Variants in SLC4A1 observed in about 807,000 individuals in gnomAD.
SLC4A1 encodes solute carrier family 4 member 1 (Diego blood group).
Under a neutral mutation model 93.1 loss-of-function variants are expected in SLC4A1, and 29 were observed. That is an observed-to-expected ratio of 0.31 (90% CI 0.23 to 0.42). The LOEUF is 0.42. Ranked by LOEUF, SLC4A1 falls within the 20% of genes least tolerant of loss-of-function variation. SLC4A1 has a pLI of 1.00. For missense variants in SLC4A1, 965 were observed against 1,190.1 expected (o/e 0.81, Z 2.78); for synonymous variants, 469 against 497.2 (o/e 0.94, Z 0.76).
In SLC4A1 at chr17:44,257,560, A is replaced by G; in HGVS notation, c.1432-16T>C. The G allele has an allele frequency of 1.2e-6, 2 of 1,613,790 alleles. No homozygotes were observed. The highest frequency in any genetic ancestry group is 1.1e-5 in the South Asian group (1 of 91,072). ...TCTCGCAGAACTGCAGGGTGGTCAG[A>G]AGAAGCCGGTCAGTCAAAGGGTCTT... On this transcript the variant is annotated splice_polypyrimidine_tract_variant and intron_variant, in intron 12 of 19. Coordinates refer to ENST00000262418, the MANE Select transcript of SLC4A1 (RefSeq NM_000342.4).
chr17:44,259,432 G>A (rs2047421572), intron 8 of SLC4A1, 65 bp downstream of exon 8: 2 of 1,602,494 alleles, frequency 1.2e-6, no homozygotes, highest in East Asian at 2.2e-5. Context: ...CAGGCTGAGG[G>A]AAAGACAGGC....
chr17:44,264,801 G>A (rs941958718), intron 1 of SLC4A1, among the ~76,000 whole-genome samples: 2 of 152,078 alleles, frequency 1.3e-5, no homozygotes, highest in Non-Finnish European at 2.9e-5. Flanking sequence ...CCAGGAATGT[G>A]AGGGCAGGTC....
intron 1 of SLC4A1, among the ~76,000 whole-genome samples, chr17:44,267,530 G>C (rs2047504805): frequency 6.6e-6 from 1 of 152,202 alleles, no homozygotes; most frequent in African/African-American, 2.4e-5. Flanking sequence ...GAATTAGCCT[G>C]AGCTAAGTGT....
Position 44,259,902 on chromosome 17 carries a change from A to G in SLC4A1, c.516T>C (p.Gly172=), listed in dbSNP as rs568293646. 5.6e-6 allele frequency: 9 copies of G among 1,613,060 alleles called. No individual in the cohort carries two copies. Among genetic ancestry groups the G allele is most frequent in the Non-Finnish European group, 7.6e-6 (9 of 1,179,818 alleles). ...AGCGTGTCAGGACTGCAGGCTTCAC[A>G]CCCCCCAGGGCCTCCAGCTCTCCAG... is the stretch of plus-strand genomic sequence containing the variant. ...SHAGELEALG[G]VKPAVLTRSG... is the part of the protein sequence containing the mutation. Residue 172 remains glycine, a synonymous_variant, in exon 7 of 20, where the codon GGT becomes GGC. Transcript: ENST00000262418.
Position 44,261,596 on chromosome 17 carries a change from T to A in SLC4A1, c.147A>T (p.Thr49=). The A allele has an allele frequency of 6.2e-7, 1 of 1,614,096 alleles. No individual in the cohort carries two copies. The highest frequency in any genetic ancestry group is 8.5e-7 in the Non-Finnish European group (1 of 1,179,982). Residue 49 remains threonine, a synonymous_variant, in exon 4 of 20, where the codon ACA becomes ACT. Transcript: ENST00000262418. ...TCACCTTGTGGGTACCCGGGTGTGATGTGGTGTGGTAGTCTGTGGCTGTTG... is the reference window on the plus strand; with the variant it reads ...TCACCTTGTGGGTACCCGGGTGTGAAGTGGTGTGGTAGTCTGTGGCTGTTG... The part of the protein sequence containing the change: ...TEATATDYHT[T]SHPGTHKVYV...
chr17:44,266,684 C>T (rs1479437374), intron 1 of SLC4A1, among the ~76,000 whole-genome samples: 1 of 152,164 alleles, frequency 6.6e-6, no homozygotes, highest in Non-Finnish European at 1.5e-5. Context: ...CCAGCCAGGC[C>T]GCCCCCCAGC....
intron 8 of SLC4A1, 31 bp from the exon 9 acceptor site, chr17:44,259,375 C>T (rs770874230): frequency 1.2e-5 from 19 of 1,612,274 alleles, no homozygotes; most frequent in South Asian, 6.6e-5. Flanking sequence ...CAGGCCAGGC[C>T]GAGGAGCCCA....
In SLC4A1 at chr17:44,250,093, C is replaced by G; in HGVS notation, c.*365G>C. On this transcript the variant is annotated 3_prime_UTR_variant, in exon 20 of 20. Coordinates refer to ENST00000262418, the MANE Select transcript of SLC4A1 (RefSeq NM_000342.4). ...GTCAAGGGACTTGCCCAAGGTCACA[C>G]AGCAAGCACCCCACCCGCTCACCCA... 3.1e-6 allele frequency: 1 copy of G among 321,130 alleles called. No individual in the cohort carries two copies. The highest frequency in any genetic ancestry group is 6.1e-6 in the Non-Finnish European group (1 of 165,120). 19.9% of individuals were successfully genotyped at this position (321,130 alleles called of 1,614,324 possible). A position where few individuals can be genotyped will look rare whatever the true frequency, so the allele number is the denominator to read the frequency against.
chr17:44,260,566 T>C, intron 5 of SLC4A1, 27 bp from the exon 6 acceptor site: 1 of 1,614,064 alleles, frequency 6.2e-7, no homozygotes, highest in Non-Finnish European at 8.5e-7. Context: ...AGTGAGCTGG[T>C]AGGCTGGGCC....
chr17:44,263,707 C>CTCCTTCCTTTCT (rs1555597760), intron 1 of SLC4A1, among the ~76,000 whole-genome samples: 19 of 140,298 alleles, frequency 1.4e-4, no homozygotes, highest in African/African-American at 5.4e-4. Context: ...CCTCCCTTCC[C>CTCCTTCCTTTCT]TCCTTCCTTC....
chr17:44,260,651 A>G lies in SLC4A1; in HGVS notation c.333T>C (p.Arg111=), dbSNP rs530218883. Residue 111 remains arginine, a synonymous_variant, in exon 5 of 20, where the codon CGT becomes CGC. Coordinates refer to ENST00000262418, the MANE Select transcript of SLC4A1 (RefSeq NM_000342.4). ...HLTFWSLLEL[R]RVFTKGTVLL... is the part of the protein sequence containing the mutation. ...GAGGCTCACCCTTGGTGAAGACTCT[A>G]CGCAGCTCTAGGAGGCTCCAGAAGG... 1.9e-6 allele frequency: 3 copies of G among 1,614,158 alleles called. No individual in the cohort carries two copies. The highest frequency in any genetic ancestry group is 2.7e-5 in the African/African-American group (2 of 75,046).
At chr17:44,257,594 G>T (rs562118372) in intron 12 of SLC4A1, 50 bp from the exon 13 acceptor site, 2 of 1,612,876 alleles carry the variant, frequency 1.2e-6, no homozygotes, top group African/African-American at 2.7e-5. Context: ...TTGGGGCAAG[G>T]CACCATGCAT....
At chr17:44,260,860 G>A (rs1464451787) in intron 4 of SLC4A1, 45 bp from the exon 5 acceptor site, 8 of 1,598,656 alleles carry the variant, frequency 5.0e-6, no homozygotes, top group Non-Finnish European at 6.8e-6. Flanking sequence ...CATAGTCCAG[G>A]GCATAGTGGG....
Position 44,258,614 on chromosome 17 carries a change from T to C in SLC4A1, c.886A>G (p.Ile296Val), listed in dbSNP as rs781169594. 3.4e-5 allele frequency: 54 copies of C among 1,598,258 alleles called. No homozygotes were observed. Among genetic ancestry groups the C allele is most frequent in the Non-Finnish European group, 4.3e-5 (51 of 1,173,338 alleles). ...CGGCTCTGAGCCATGTAGGCATCTA[T>C]GCGGAACACCTAGGGGCAGGAGACA... ...ATLMSERVFR[I>V]DAYMAQSRGE... The change falls in exon 10 of 20, where the codon ATA becomes GTA. Residue 296 changes from isoleucine (I) to valine (V), a missense_variant. By Grantham distance (29) the Ile-to-Val change is conservative. Around this residue, in one of 2 missense-constraint regions of SLC4A1, gnomAD observed 770 missense variants for 1,006.6 expected, o/e 0.76. Transcript: ENST00000262418. This position sits in a 1 kb window ranked among gnomAD's most constrained non-coding sequence, Gnocchi z 6.1.
intron 14 of SLC4A1, 103 bp from the exon 15 acceptor site, chr17:44,255,399 A>T: frequency 1.2e-6 from 1 of 854,038 alleles, no homozygotes; most frequent in Non-Finnish European, 1.9e-6. Context: ...CTTCCAGGGG[A>T]TCCATCAGCA....
At chr17:44,250,875 G>T (rs180849672) in intron 19 of SLC4A1, among the ~76,000 whole-genome samples, 90 of 152,230 alleles carry the variant, frequency 5.9e-4, no homozygotes, top group African/African-American at 2.1e-3. Flanking sequence ...AAGACGGCAG[G>T]ACTTGCTGCT....
In SLC4A1 at chr17:44,258,173, A is replaced by G. The variant is rs760164484; in HGVS notation, c.1095T>C (p.Asn365=). The G allele has an allele frequency of 1.9e-6, 3 of 1,613,954 alleles. No individual in the cohort carries two copies. The highest frequency in any genetic ancestry group is 1.1e-5 in the South Asian group (1 of 91,074). Residue 365 remains asparagine, a synonymous_variant, in exon 11 of 20, where the codon AAT becomes AAC. Transcript: ENST00000262418. The surrounding 1 kb of genome is among the most constrained non-coding windows in gnomAD (Gnocchi z 6.1). ...DSSFYKGLDL[N]GGPDDPLQQT... ...GCTGCAGAGGGTCATCTGGGCCCCC[A>G]TTTAAGTCTGTGGTGGAGGATAAGA...
In SLC4A1 at chr17:44,255,195, A is replaced by G; in HGVS notation, c.1890+12T>C. 6.5e-7 allele frequency: 1 copy of G among 1,545,030 alleles called. No individual in the cohort carries two copies. Among genetic ancestry groups the G allele is most frequent in the Non-Finnish European group, 8.8e-7 (1 of 1,140,830 alleles). ...GGGGTATCATGGTCTGAGGGCTGGG[A>G]GGAGGGGTCACCTGGGTGTAGGTAT... On this transcript the variant is annotated intron_variant, in intron 15 of 19. Transcript: ENST00000262418.
chr17:44,257,336 C>T lies in SLC4A1; in HGVS notation c.1626+14G>A. 3 of 1,613,214 alleles carry T rather than the reference C, an allele frequency of 1.9e-6. No homozygotes were observed. The highest frequency in any genetic ancestry group is 2.5e-6 in the Non-Finnish European group (3 of 1,179,372). On this transcript the variant is annotated intron_variant, in intron 13 of 19. Coordinates refer to ENST00000262418, the MANE Select transcript of SLC4A1 (RefSeq NM_000342.4). ...CAACCTCCCGTGTGCATTAACATCCCCATAGGCCCCCACCTTGATCAGCTT... is the reference window on the plus strand; with the variant it reads ...CAACCTCCCGTGTGCATTAACATCCTCATAGGCCCCCACCTTGATCAGCTT...
Sources: gnomAD v4.1 joint callset for allele counts (sites outside exome capture counted in the v4.1 genomes callset) on GRCh38, gnomAD v4.1.1 for gene constraint, gnomAD v4.1.1 regional missense constraint, Gnocchi (gnomAD v3.1) non-coding constraint, MANE v1.5 for transcripts, NCBI Gene and HGNC (gene_info 2026-07-23, HGNC 2026-07-21) for gene names.